Variants in ILRUN observed in about 807,000 individuals in gnomAD.
ILRUN encodes protein ILRUN.
A neutral mutation model predicts 33.8 loss-of-function variants in ILRUN; 3 were observed. That is an observed-to-expected ratio of 0.09 (90% CI 0.04 to 0.23). The LOEUF (loss-of-function observed/expected upper bound fraction) is 0.23, where lower values mean the gene tolerates loss of function less well. ILRUN is among the 10% of genes least tolerant of loss of function. ILRUN has a pLI of 1.00. For missense variants in ILRUN, 210 were observed against 375.1 expected, an observed-to-expected ratio of 0.56 and a Z score of 3.64; for synonymous variants, 124 against 138.9, an observed-to-expected ratio of 0.89 and a Z score of 0.75.
rs1025429000 is a variant in ILRUN, at chr6:34,675,062, C to T, written c.159-20283G>A. On this transcript the variant is annotated intron_variant, in intron 1 of 4. Coordinates refer to ENST00000374023, the MANE Select transcript of ILRUN (RefSeq NM_024294.4). ...TTCGGAGGCCCAGGTGGGCTAATCA[C>T]CTGAGGTTAAGAGTTCTAGACCAGC... Among the ~76,000 whole-genome samples, 5 of 152,134 alleles carry T rather than the reference C, an allele frequency of 3.3e-5. No homozygotes were observed. The East Asian group carries it at 5.8e-4, about 18-fold the overall frequency.
chr6:34,680,227 G>C (rs955815942), intron 1 of ILRUN, among the ~76,000 whole-genome samples: 1 of 151,954 alleles, frequency 6.6e-6, no homozygotes. Flanking sequence ...TAGAATTATT[G>C]TATTAAATTA....
intron 3 of ILRUN, among the ~76,000 whole-genome samples, chr6:34,607,563 C>T (rs545227052): frequency 6.6e-6 from 1 of 152,324 alleles, no homozygotes; most frequent in South Asian, 2.1e-4. Flanking sequence ...TTCTGTCATA[C>T]AGTCATGCAT....
At chr6:34,658,934 A>G (rs1372295306) in intron 1 of ILRUN, among the ~76,000 whole-genome samples, 1 of 152,286 alleles carries the variant, frequency 6.6e-6, no homozygotes, top group Non-Finnish European at 1.5e-5. Context: ...TACCTATCTC[A>G]TTATAATGTT....
At chr6:34,656,602 C>T (rs1403085840) in intron 1 of ILRUN, among the ~76,000 whole-genome samples, 3 of 152,224 alleles carry the variant, frequency 2.0e-5, no homozygotes, top group African/African-American at 7.2e-5. Context: ...CATAAACCAA[C>T]GAATCCACTG....
intron 4 of ILRUN, among the ~76,000 whole-genome samples, chr6:34,603,993 T>C (rs1316369261): frequency 6.6e-6 from 1 of 152,186 alleles, no homozygotes; most frequent in Non-Finnish European, 1.5e-5. Context: ...TATAAATTGC[T>C]TTCTAAGATT....
At chr6:34,600,396 G>T (rs1241429487) in intron 4 of ILRUN, among the ~76,000 whole-genome samples, 1 of 152,144 alleles carries the variant, frequency 6.6e-6, no homozygotes, top group Non-Finnish European at 1.5e-5. Flanking sequence ...CTCCAGATAG[G>T]CTTTACAGAA....
At chr6:34,604,816 A>C (rs964835702) in intron 4 of ILRUN, among the ~76,000 whole-genome samples, 1 of 152,250 alleles carries the variant, frequency 6.6e-6, no homozygotes, top group Non-Finnish European at 1.5e-5. Flanking sequence ...TTTGTAATGA[A>C]CATCTAATCA....
In ILRUN at chr6:34,587,475, C is replaced by T. The variant is rs1761216332; in HGVS notation, c.*3090G>A. ...CTGCTCCTGCATTCACCCAAGGAAA[C>T]AAAGGAAAGGTGCGGCGAGGCAGGG... On this transcript the variant is annotated 3_prime_UTR_variant, in exon 5 of 5. Coordinates refer to ENST00000374023, the MANE Select transcript of ILRUN (RefSeq NM_024294.4). The T allele has an allele frequency of 6.5e-6, 1 of 152,696 alleles. No individual in the cohort carries two copies. Among genetic ancestry groups the T allele is most frequent in the African/African-American group, 2.4e-5 (1 of 41,444 alleles). 9.5% of individuals were successfully genotyped at this position (152,696 alleles called of 1,614,324 possible). A position where few individuals can be genotyped will look rare whatever the true frequency, so the allele number is the denominator to read the frequency against.
At chr6:34,601,195 T>C (rs775230925) in intron 4 of ILRUN, among the ~76,000 whole-genome samples, 2 of 152,206 alleles carry the variant, frequency 1.3e-5, no homozygotes, top group Admixed American at 6.5e-5. Context: ...CACTGATAAA[T>C]TTTAATAACA....
chr6:34,694,301 TA>T lies in ILRUN; in HGVS notation c.158+2144del, dbSNP rs375810806. Among the ~76,000 whole-genome samples, 40 of 152,230 alleles carry T rather than the reference TA, an allele frequency of 2.6e-4. No homozygotes were observed. The East Asian group carries it at 7.1e-3, about 27-fold the overall frequency. ...ACTTAAAACTTACTAGGGTAGTGTT[TA>T]AATGGTCCAATTCACAAGGGGTTGG... On this transcript the variant is annotated intron_variant, in intron 1 of 4. Coordinates refer to ENST00000374023, the MANE Select transcript of ILRUN (RefSeq NM_024294.4).
intron 1 of ILRUN, among the ~76,000 whole-genome samples, chr6:34,695,694 C>T (rs1439477072): frequency 4.0e-5 from 6 of 151,868 alleles, no homozygotes; most frequent in African/African-American, 1.5e-4. Context: ...AAAGTTCCTT[C>T]CCCCAAGATC....
At chr6:34,616,712 A>C in intron 3 of ILRUN, 1 of 802,196 alleles carries the variant, frequency 1.2e-6, no homozygotes. Flanking sequence ...GATGCACAGA[A>C]CTGAAATTCA....
intron 4 of ILRUN, among the ~76,000 whole-genome samples, chr6:34,605,777 AAC>A (rs1761617808): frequency 2.0e-5 from 3 of 152,376 alleles, no homozygotes; most frequent in Admixed American, 2.0e-4. Flanking sequence ...GGACAGACCT[AAC>A]AGTTTATGTG....
Position 34,696,469 on chromosome 6 carries a change from G to A in ILRUN, c.135C>T (p.Ala45=). The part of the protein sequence containing the change: ...LGFQLNPAGC[A]FFLDMTNWNL... ...ACCAGTTGGTCATGTCCAGGAAGAA[G>A]GCGCAACCGGCAGGATTGAGCTGGA... Residue 45 remains alanine (A), a synonymous_variant, in exon 1 of 5, where the codon GCC becomes GCT. Coordinates refer to ENST00000374023, the MANE Select transcript of ILRUN (RefSeq NM_024294.4). The A allele has an allele frequency of 6.3e-7, 1 of 1,598,208 alleles. No individual in the cohort carries two copies. The highest frequency in any genetic ancestry group is 8.5e-7 in the Non-Finnish European group (1 of 1,173,216).
At position 34,683,504 on chromosome 6, in the gene ILRUN, A is replaced by ATG. The variant is rs1562033294; in HGVS notation, c.158+12941_158+12942insCA. On this transcript the variant is annotated intron_variant, in intron 1 of 4. Transcript: ENST00000374023. ...TATATATACATATATATATACATAT[A>ATG]TATATATATACATATATATATATAC... Among the ~76,000 whole-genome samples the ATG allele has an allele frequency of 2.2e-3, 215 of 99,256 alleles. 5 individuals carry two copies. The highest frequency in any genetic ancestry group is 0.012 in the African/African-American group (203 of 17,276). 65.1% of individuals were successfully genotyped at this position (99,256 alleles called of 152,430 possible).
intron 1 of ILRUN, among the ~76,000 whole-genome samples, chr6:34,683,374 T>C (rs1400021954): frequency 1.4e-5 from 2 of 145,324 alleles, no homozygotes; most frequent in East Asian, 2.0e-4. Context: ...TATTCATGCA[T>C]AGAAAATTCT....
chr6:34,669,903 A>G (rs1180218109), intron 1 of ILRUN, among the ~76,000 whole-genome samples: 2 of 151,998 alleles, frequency 1.3e-5, no homozygotes, highest in Non-Finnish European at 2.9e-5. Context: ...AAAAATGTGG[A>G]GAAAAGGCAA....
rs1761305932 is a variant in ILRUN, at chr6:34,592,080, CCTG to C, written c.862-1483_862-1481del. ...CATGACGTGTGCTTCCTCCCCAATC[CCTG>C]CTTTTTGTTTTTCCATATAAAGCCT... On this transcript the variant is annotated intron_variant, in intron 4 of 4. Transcript: ENST00000374023. The surrounding 1 kb of genome is among the most constrained non-coding windows in gnomAD (Gnocchi z 4.0). 6.6e-6 allele frequency among the ~76,000 whole-genome samples: 1 copy of C among 152,182 alleles called. No individual in the cohort carries two copies. The highest frequency in any genetic ancestry group is 1.5e-5 in the Non-Finnish European group (1 of 68,016).
chr6:34,683,413 TATATAC>T lies in ILRUN; in HGVS notation c.158+13027_158+13032del, dbSNP rs1237968248. ...ATATATATGCACATATATACATATA[TATATAC>T]ATATATATACATATATATATACATA... On this transcript the variant is annotated intron_variant, in intron 1 of 4. Transcript: ENST00000374023. 4.6e-3 allele frequency among the ~76,000 whole-genome samples: 346 copies of T among 74,930 alleles called. 5 individuals are homozygous for T. The highest frequency in any genetic ancestry group is 0.031 in the African/African-American group (324 of 10,362). The allele number at this position is 74,930 out of a possible 152,430, so 49.2% of individuals were successfully genotyped here.
Sources: allele counts gnomAD v4.1 joint callset (sites outside exome capture counted in the v4.1 genomes callset), GRCh38; gene constraint gnomAD v4.1.1; non-coding constraint Gnocchi (gnomAD v3.1); transcripts MANE v1.5; gene names NCBI Gene and HGNC (gene_info 2026-07-23, HGNC 2026-07-21).